PSMG1: variants seen among roughly 807,000 people sequenced by gnomAD.
PSMG1 encodes proteasome assembly chaperone 1, also known as Down syndrome critical region gene 2.
Under a neutral mutation model 37.2 loss-of-function variants are expected in PSMG1, and 23 were observed. That is an observed-to-expected ratio of 0.62 (90% CI 0.44 to 0.88). The LOEUF (loss-of-function observed/expected upper bound fraction) is 0.88, where lower values mean the gene tolerates loss of function less well. Among genes scored for constraint, PSMG1 ranks in the 40% least tolerant of loss-of-function variants. The probability of loss-of-function intolerance (pLI) is 0.00; values close to 1 mark genes in which losing one functional copy is unlikely to be tolerated. For missense variants in PSMG1, 340 were observed against 344.2 expected, an observed-to-expected ratio of 0.99 and a Z score of 0.10; for synonymous variants, 127 against 128.0, an observed-to-expected ratio of 0.99 and a Z score of 0.05.
At chr21:39,177,628 T>G (rs1601183227) in intron 5 of PSMG1, 57 bp from the exon 6 acceptor site, 1 of 1,312,682 alleles carries the variant, frequency 7.6e-7, no homozygotes, top group Non-Finnish European at 1.0e-6. Context: ...TACTTTTAAA[T>G]TAAACACCTT....
At chr21:39,183,171 G>A in intron 1 of PSMG1, 81 bp downstream of exon 1, 2 of 1,414,790 alleles carry the variant, frequency 1.4e-6, no homozygotes, top group Non-Finnish European at 1.8e-6. Context: ...GCGGAGCCCC[G>A]GCCTTAGGCG....
chr21:39,178,714 T>C (rs973823562), intron 4 of PSMG1, 67 bp from the exon 5 acceptor site: 4 of 1,419,706 alleles, frequency 2.8e-6, no homozygotes, highest in Non-Finnish European at 3.9e-6. Flanking sequence ...AACATTCCTC[T>C]AGGTATTCAC....
Position 39,181,865 on chromosome 21 carries a change from G to A in PSMG1, c.148C>T (p.Leu50Phe). ...AAAGATGTTTTTGTTTGTCTTCGAA[G>A]GAGCCGCACTTCCCTAACACAAGAA... ...QLARKREVRLLRRQTKTSLEV... is the reference protein window; with the variant it reads ...QLARKREVRLFRRQTKTSLEV... Residue 50 changes from leucine (L) to phenylalanine (F), a missense_variant, in exon 2 of 7, where the codon CTT becomes TTT. By Grantham distance (22) the Leu-to-Phe change is conservative. Coordinates refer to ENST00000331573, the MANE Select transcript of PSMG1 (RefSeq NM_003720.4). 6.3e-7 allele frequency: 1 copy of A among 1,585,268 alleles called. No individual in the cohort carries two copies.
At chr21:39,177,728 A>C (rs1428153847) in intron 5 of PSMG1, among the ~76,000 whole-genome samples, 157 bp from the exon 6 acceptor site, 1 of 152,228 alleles carries the variant, frequency 6.6e-6, no homozygotes, top group Non-Finnish European at 1.5e-5. Flanking sequence ...ATTATAATGA[A>C]GATTTTCTTT....
intron 4 of PSMG1, chr21:39,178,943 G>A (rs577612796): frequency 2.8e-6 from 1 of 358,840 alleles, no homozygotes; most frequent in East Asian, 6.4e-5. Flanking sequence ...AATGTTGGAG[G>A]CCGGACTTGG....
chr21:39,181,753 C>A lies in PSMG1; in HGVS notation c.241+19G>T. 2 of 1,451,858 alleles carry A rather than the reference C, an allele frequency of 1.4e-6. No individual in the cohort carries two copies. Among genetic ancestry groups the A allele is most frequent in the Admixed American group, 2.4e-5 (1 of 42,274 alleles). 89.9% of individuals were successfully genotyped at this position (1,451,858 alleles called of 1,614,324 possible). ...CATTCTTTCAACAAAATGACTAAGT[C>A]TTCTGCATTTTCACTTACCTACTGC... On this transcript the variant is annotated intron_variant, in intron 2 of 6. Coordinates refer to ENST00000331573, the MANE Select transcript of PSMG1 (RefSeq NM_003720.4).
rs1601179685 is a variant in PSMG1 at position 39,175,406 on chromosome 21, G to C, written c.*184C>G. On this transcript the variant is annotated 3_prime_UTR_variant, in exon 7 of 7. Transcript: ENST00000331573. ...CTAGTGGATAAAAGGAAAATGCTTG[G>C]CTTATTTTGGTTGTGAATAATACCA... is the stretch of plus-strand genomic sequence containing the variant. 1 of 860,264 alleles carries C rather than the reference G, an allele frequency of 1.2e-6. No individual in the cohort carries two copies. Among genetic ancestry groups the C allele is most frequent in the East Asian group, 4.0e-5 (1 of 25,278 alleles). 53.3% of individuals were successfully genotyped at this position (860,264 alleles called of 1,614,324 possible). A position where few individuals can be genotyped will look rare whatever the true frequency, so the allele number is the denominator to read the frequency against.
chr21:39,175,594 G>T lies in PSMG1; in HGVS notation c.863C>A (p.Thr288Lys). 4 of 1,588,806 alleles carry T rather than the reference G, an allele frequency of 2.5e-6. No individual in the cohort carries two copies. The highest frequency in any genetic ancestry group is 3.5e-6 in the Non-Finnish European group (4 of 1,157,334). The change falls in exon 7 of 7, where the codon ACA (threonine) becomes AAA (lysine). Residue 288 changes from threonine to lysine, a missense_variant. Physicochemically the swap from Thr to Lys is moderately conservative, Grantham distance 78. Transcript: ENST00000331573. ...TTNEIQSNIY[T>K] ...ACTACAAAACAATGTTTAAGATCAT[G>T]TATAAATGTTACTCTGAATCTCATT... is the stretch of plus-strand genomic sequence containing the variant.
intron 6 of PSMG1, 63 bp from the exon 7 acceptor site, chr21:39,175,727 C>T (rs2030603515): frequency 9.5e-7 from 1 of 1,047,898 alleles, no homozygotes; most frequent in Non-Finnish European, 1.5e-6. Context: ...GGCAACACCC[C>T]TCCCTCCACG....
chr21:39,183,306 CCCTCCT>C lies in PSMG1; in HGVS notation c.74_79del (p.Glu25_Glu26del). On this transcript the variant is annotated inframe_deletion, in exon 1 of 7. Coordinates refer to ENST00000331573, the MANE Select transcript of PSMG1 (RefSeq NM_003720.4). ...CCTGTCCTCGGGCGTCTCCCTCCGC[CCCTCCT>C]CCTCCTCCTCTTCGTCCTCAGTCCC... The C allele has an allele frequency of 5.1e-6, 8 of 1,582,312 alleles. No homozygotes were observed. Among genetic ancestry groups the C allele is most frequent in the Non-Finnish European group, 5.1e-6 (6 of 1,166,548 alleles).
chr21:39,175,722 C>T, intron 6 of PSMG1, 58 bp from the exon 7 acceptor site: 1 of 1,097,698 alleles, frequency 9.1e-7, no homozygotes, highest in Non-Finnish European at 1.4e-6. Flanking sequence ...GCAGAGGCAA[C>T]ACCCCTCCCT....
At position 39,175,680 on chromosome 21, in the gene PSMG1, A is replaced by G. The variant is rs752614009; in HGVS notation, c.793-16T>C. 2.0e-6 allele frequency: 3 copies of G among 1,513,392 alleles called. No individual in the cohort carries two copies. The highest frequency in any genetic ancestry group is 2.8e-6 in the Non-Finnish European group (3 of 1,089,126). 93.7% of individuals were successfully genotyped at this position (1,513,392 alleles called of 1,614,324 possible). A position where few individuals can be genotyped will look rare whatever the true frequency, so the allele number is the denominator to read the frequency against. Reference sequence around the variant, plus strand: ...GGGGAATATTCTGAAAGGAGAGAAAAAAGTGAATACAGTGAGACCCCAGGG... The same window carrying G: ...GGGGAATATTCTGAAAGGAGAGAAAGAAGTGAATACAGTGAGACCCCAGGG... On this transcript the variant is annotated splice_polypyrimidine_tract_variant and intron_variant, in intron 6 of 6. Transcript: ENST00000331573.
chr21:39,177,745 C>A (rs899805245), intron 5 of PSMG1, among the ~76,000 whole-genome samples, 174 bp from the exon 6 acceptor site: 1 of 152,120 alleles, frequency 6.6e-6, no homozygotes, highest in African/African-American at 2.4e-5. Flanking sequence ...CTTTCAAAGT[C>A]AATTTATTTT....
chr21:39,182,619 T>C (rs1307936867), intron 1 of PSMG1, among the ~76,000 whole-genome samples: 1 of 152,218 alleles, frequency 6.6e-6, no homozygotes, highest in Non-Finnish European at 1.5e-5. Flanking sequence ...CCATGATGAC[T>C]GGAATTCGCT....
chr21:39,177,596 C>T (rs371462006), intron 5 of PSMG1, 25 bp from the exon 6 acceptor site: 78 of 1,462,940 alleles, frequency 5.3e-5, no homozygotes, highest in Admixed American at 1.0e-4. Flanking sequence ...GAAAAAAAAA[C>T]GATGTAAGTT....
At position 39,180,006 on chromosome 21, in the gene PSMG1, G is replaced by A. The variant is rs73357807; in HGVS notation, c.394-20C>T. The stretch of plus-strand genomic sequence containing the variant: ...AAAAACCTGAAAAGTCAAGTTCCAC[G>A]CTTTTTGTCAAGTAAGTTTTATACA... On this transcript the variant is annotated intron_variant, in intron 3 of 6. Coordinates refer to ENST00000331573, the MANE Select transcript of PSMG1 (RefSeq NM_003720.4). 7.9e-4 allele frequency: 1,257 copies of A among 1,596,800 alleles called. 14 individuals carry two copies. The African/African-American group carries it at 0.016, about 21-fold the overall frequency.
At chr21:39,177,907 G>C (rs149740981) in intron 5 of PSMG1, among the ~76,000 whole-genome samples, 200 of 152,150 alleles carry the variant, frequency 1.3e-3, no homozygotes, top group African/African-American at 4.6e-3. Flanking sequence ...GAAATATTTA[G>C]CCACTTCTCA....
Position 39,177,420 on chromosome 21 carries a change from G to A in PSMG1, c.792+15C>T, listed in dbSNP as rs1444144041. On this transcript the variant is annotated intron_variant, in intron 6 of 6. Coordinates refer to ENST00000331573, the MANE Select transcript of PSMG1 (RefSeq NM_003720.4). Reference sequence around the variant, plus strand: ...TAACAATGCAGCTATTAATTTAAATGAGTTAAAACCTTACCTTAACCAAAC... The same window carrying A: ...TAACAATGCAGCTATTAATTTAAATAAGTTAAAACCTTACCTTAACCAAAC... 1 of 1,551,842 alleles carries A rather than the reference G, an allele frequency of 6.4e-7. No homozygotes were observed. The highest frequency in any genetic ancestry group is 2.3e-5 in the East Asian group (1 of 42,794).
chr21:39,178,062 T>C (rs8130798), intron 5 of PSMG1, among the ~76,000 whole-genome samples: 136,802 of 152,122 alleles, frequency 0.9, 61,654 homozygotes, highest in African/African-American at 0.97. Flanking sequence ...ATGTGTGTGA[T>C]GGTAATAAAA....
Sources: gnomAD v4.1 joint callset for allele counts (sites outside exome capture counted in the v4.1 genomes callset) on GRCh38, gnomAD v4.1.1 for gene constraint, MANE v1.5 for transcripts, NCBI Gene and HGNC (gene_info 2026-07-23, HGNC 2026-07-21) for gene names.